HECTD2: variants seen among roughly 807,000 people sequenced by gnomAD.
HECTD2 encodes HECT domain E3 ubiquitin protein ligase 2, also known as probable E3 ubiquitin-protein ligase HECTD2.
In HECTD2, 35 loss-of-function variants were observed where a neutral mutation model predicts 103.2. That is an observed-to-expected ratio of 0.34 (90% CI 0.26 to 0.45). The LOEUF (loss-of-function observed/expected upper bound fraction) is 0.45. Among genes scored for constraint, HECTD2 ranks in the 20% least tolerant of loss-of-function variants. The pLI, the probability that HECTD2 is intolerant of heterozygous loss-of-function variation, is 1.00. For missense variants in HECTD2, 596 were observed against 937.4 expected, an observed-to-expected ratio of 0.64 and a Z score of 4.76; for synonymous variants, 281 against 329.9, an observed-to-expected ratio of 0.85 and a Z score of 1.61.
At chr10:91,409,361 GC>G (rs1184036146), upstream of HECTD2, 1 of 152,190 alleles carries the variant, frequency 6.6e-6, no homozygotes, top group Non-Finnish European at 1.5e-5. Context: ...CTCTTCTTCG[GC>G]TTTCAAGTTT....
Position 91,513,187 on chromosome 10 carries a change from C to A in HECTD2, c.*803C>A, listed in dbSNP as rs991869280. ...TGTAATATTTGTATAATGATCATTTCTTCTTAAGGCTCAAGATATTAGAAA... is the reference window on the plus strand; with the variant it reads ...TGTAATATTTGTATAATGATCATTTATTCTTAAGGCTCAAGATATTAGAAA... On this transcript the variant is annotated 3_prime_UTR_variant, in exon 21 of 21. Transcript: ENST00000298068. 1 of 152,566 alleles carries A rather than the reference C, an allele frequency of 6.6e-6. No individual in the cohort carries two copies. The highest frequency in any genetic ancestry group is 1.5e-5 in the Non-Finnish European group (1 of 68,020). 9.5% of individuals were successfully genotyped at this position (152,566 alleles called of 1,614,324 possible). A position where few individuals can be genotyped will look rare whatever the true frequency, so the allele number is the denominator to read the frequency against.
chr10:91,410,725 A>G, intron 1 of HECTD2, 149 bp downstream of exon 1: 1 of 700,912 alleles, frequency 1.4e-6, no homozygotes, highest in Non-Finnish European at 2.0e-6. Context: ...TTCCTTGGGC[A>G]GAAATAAAAG....
intron 2 of HECTD2, 35 bp downstream of exon 2, chr10:91,425,445 A>ATATTTTTAAAT: frequency 7.3e-7 from 1 of 1,370,992 alleles, no homozygotes; most frequent in East Asian, 2.7e-5. Context: ...GGCTAAAAGT[A>ATATTTTTAAAT]TATTTTTAAA....
intron 20 of HECTD2, among the ~76,000 whole-genome samples, chr10:91,509,819 ATC>A (rs1445419436): frequency 6.6e-6 from 1 of 152,152 alleles, no homozygotes; most frequent in Non-Finnish European, 1.5e-5. Context: ...GAAACTGCCT[ATC>A]AGGTACTTAC....
rs1003217159 is a variant in HECTD2, at chr10:91,436,050, G to A, written c.268+10640G>A. Among the ~76,000 whole-genome samples the A allele has an allele frequency of 8.6e-5, 13 of 151,684 alleles. 1 individual carries two copies. The South Asian group carries it at 1.7e-3, about 19-fold the overall frequency. On this transcript the variant is annotated intron_variant, in intron 2 of 20. Transcript: ENST00000298068. ...TTTTATAGTACCCTTTTATTTCATGGTTATACTATCTTTTATTCCTCTGAG... is the reference window on the plus strand; with the variant it reads ...TTTTATAGTACCCTTTTATTTCATGATTATACTATCTTTTATTCCTCTGAG...
intron 2 of HECTD2, among the ~76,000 whole-genome samples, chr10:91,457,291 CTTCTT>C (rs1238995615): frequency 4.6e-5 from 7 of 151,998 alleles, no homozygotes; most frequent in African/African-American, 1.7e-4. Context: ...AAAGGGAACA[CTTCTT>C]TTTTGTTTTA....
chr10:91,500,868 C>T (rs1183237187), intron 19 of HECTD2, among the ~76,000 whole-genome samples: 5 of 152,054 alleles, frequency 3.3e-5, no homozygotes, highest in African/African-American at 1.2e-4. Flanking sequence ...AATGACTTTG[C>T]TCCTAGAATT....
intron 7 of HECTD2, among the ~76,000 whole-genome samples, chr10:91,482,465 T>G (rs1846128906): frequency 6.6e-6 from 1 of 151,938 alleles, no homozygotes; most frequent in Admixed American, 6.6e-5. Flanking sequence ...TGAGGCTAAC[T>G]CATTTTACAA....
intron 1 of HECTD2, among the ~76,000 whole-genome samples, chr10:91,418,386 G>A (rs1319888321): frequency 6.6e-6 from 1 of 152,018 alleles, no homozygotes; most frequent in Non-Finnish European, 1.5e-5. Context: ...TGAGCTTCAG[G>A]ACTAATGTTT....
intron 20 of HECTD2, among the ~76,000 whole-genome samples, chr10:91,506,727 C>G (rs954280591): frequency 3.9e-5 from 6 of 151,976 alleles, no homozygotes; most frequent in African/African-American, 1.5e-4. Context: ...CCTTCTGAAA[C>G]TATTCCAATC....
chr10:91,494,860 A>G (rs1846609018), intron 14 of HECTD2, among the ~76,000 whole-genome samples: 1 of 152,008 alleles, frequency 6.6e-6, no homozygotes, highest in South Asian at 2.1e-4. Context: ...ATCACAATTT[A>G]GATTTGGATG....
intron 5 of HECTD2, among the ~76,000 whole-genome samples, chr10:91,473,739 CAT>C (rs1355781837): frequency 6.6e-6 from 1 of 152,096 alleles, no homozygotes; most frequent in Non-Finnish European, 1.5e-5. Flanking sequence ...TTCTTAATAA[CAT>C]TATCTTTTCT....
intron 5 of HECTD2, among the ~76,000 whole-genome samples, chr10:91,476,470 T>G (rs1238276402): frequency 2.6e-5 from 4 of 152,172 alleles, no homozygotes; most frequent in African/African-American, 7.2e-5. Flanking sequence ...CTGGGAAGTC[T>G]TCTTTGTTGA....
intron 2 of HECTD2, among the ~76,000 whole-genome samples, chr10:91,439,469 T>A (rs1199223331): frequency 7.9e-5 from 12 of 152,212 alleles, no homozygotes; most frequent in Admixed American, 7.9e-4. Flanking sequence ...AGTATCATGC[T>A]GTTTTGGTTA....
At chr10:91,453,811 A>G (rs963665413) in intron 2 of HECTD2, among the ~76,000 whole-genome samples, 2 of 152,176 alleles carry the variant, frequency 1.3e-5, no homozygotes, top group South Asian at 2.1e-4. Context: ...ATATAACAGT[A>G]TAAGCAAGTT....
intron 6 of HECTD2, among the ~76,000 whole-genome samples, chr10:91,479,719 A>AT (rs1247981800): frequency 6.6e-6 from 1 of 152,188 alleles, no homozygotes; most frequent in Non-Finnish European, 1.5e-5. Flanking sequence ...GAGTATAAAC[A>AT]TTTTAAGACA....
chr10:91,453,006 A>G (rs1262818578), intron 2 of HECTD2, among the ~76,000 whole-genome samples: 1 of 152,170 alleles, frequency 6.6e-6, no homozygotes, highest in Non-Finnish European at 1.5e-5. Context: ...AAGGGGAAAG[A>G]AGGTGATAAA....
chr10:91,429,307 A>G (rs533044549), intron 2 of HECTD2, among the ~76,000 whole-genome samples: 155 of 152,208 alleles, frequency 1.0e-3, no homozygotes, highest in African/African-American at 3.5e-3. Context: ...TTTTTGCATC[A>G]ATGTTCATCA....
rs1010973965 is a variant in HECTD2, at chr10:91,410,350, C to G, written c.-89C>G. 31 of 830,892 alleles carry G rather than the reference C, an allele frequency of 3.7e-5. No individual in the cohort carries two copies. The highest frequency in any genetic ancestry group is 4.5e-5 in the Non-Finnish European group (29 of 640,240). 51.5% of individuals were successfully genotyped at this position (830,892 alleles called of 1,614,324 possible). A position where few individuals can be genotyped will look rare whatever the true frequency, so the allele number is the denominator to read the frequency against. Reference sequence around the variant, plus strand: ...CGGCTAGAAGCGGCAGCCCAGAGCCCTCTCGCGGCCGCGGCGGCAGCAGCA... The same window carrying G: ...CGGCTAGAAGCGGCAGCCCAGAGCCGTCTCGCGGCCGCGGCGGCAGCAGCA... On this transcript the variant is annotated 5_prime_UTR_variant, in exon 1 of 21. Transcript: ENST00000298068.
Sources: gnomAD v4.1 joint callset for allele counts (sites outside exome capture counted in the v4.1 genomes callset) on GRCh38, gnomAD v4.1.1 for gene constraint, MANE v1.5 for transcripts, NCBI Gene and HGNC (gene_info 2026-07-23, HGNC 2026-07-21) for gene names.